DCBLD2: variants seen among roughly 807,000 people sequenced by gnomAD.
The protein encoded by DCBLD2 is discoidin, CUB and LCCL domain containing 2, also known as discoidin, CUB and LCCL domain-containing protein 2.
A neutral mutation model predicts 86.8 loss-of-function variants in DCBLD2; 54 were observed. The ratio of observed to expected loss-of-function variants is 0.62; its 90% confidence interval spans 0.50 to 0.78. DCBLD2 has a LOEUF of 0.78. DCBLD2 is among the 30% of genes least tolerant of loss of function. DCBLD2 has a pLI of 0.00. For missense variants in DCBLD2, 908 were observed against 954.2 expected (o/e 0.95, Z 0.64); for synonymous variants, 354 against 341.3 (o/e 1.04, Z -0.41).
intron 13 of DCBLD2, among the ~76,000 whole-genome samples, chr3:98,804,141 C>T (rs1484650788): frequency 6.6e-6 from 1 of 152,094 alleles, no homozygotes; most frequent in African/African-American, 2.4e-5. Context: ...CTCCTTGTAC[C>T]TCTGGTAGAA....
At chr3:98,851,467 G>C (rs1427025448) in intron 2 of DCBLD2, among the ~76,000 whole-genome samples, 1 of 152,168 alleles carries the variant, frequency 6.6e-6, no homozygotes, top group Non-Finnish European at 1.5e-5. Flanking sequence ...AACATTCCAT[G>C]CTCGTGGATA....
At position 98,797,191 on chromosome 3, in the gene DCBLD2, A is replaced by T. The variant is rs1032378154; in HGVS notation, c.*2181T>A. 7.0e-4 allele frequency: 107 copies of T among 152,138 alleles called. 2 individuals carry two copies. The highest frequency in any genetic ancestry group is 2.0e-4 in the Admixed American group (3 of 15,242). 9.4% of individuals were successfully genotyped at this position (152,138 alleles called of 1,614,324 possible). ...AGTAAAAACTAGATATTTTATAAAA[A>T]TTATTGGTAGTTCAAGGATAGCACA... On this transcript the variant is annotated 3_prime_UTR_variant, in exon 16 of 16. Transcript: ENST00000326840.
chr3:98,890,973 T>C (rs955663650), intron 1 of DCBLD2, among the ~76,000 whole-genome samples: 1 of 152,068 alleles, frequency 6.6e-6, no homozygotes. Context: ...ACGCATTCAA[T>C]GAACAACCTC....
At chr3:98,831,665 T>C (rs1176868935) in intron 3 of DCBLD2, among the ~76,000 whole-genome samples, 1 of 152,256 alleles carries the variant, frequency 6.6e-6, no homozygotes, top group African/African-American at 2.4e-5. Flanking sequence ...TGTTCTCATT[T>C]AGTTTCAAAG....
chr3:98,814,104 A>G (rs1184036445), intron 9 of DCBLD2: 1 of 152,220 alleles, frequency 6.6e-6, no homozygotes, highest in Non-Finnish European at 1.5e-5. Flanking sequence ...CTTCTCAATC[A>G]AGCTATTTCC....
chr3:98,865,957 G>C (rs1321999874), intron 2 of DCBLD2, among the ~76,000 whole-genome samples: 1 of 149,336 alleles, frequency 6.7e-6, no homozygotes, highest in Non-Finnish European at 1.5e-5. Flanking sequence ...AGAACATGCG[G>C]TGTTCGGTTT....
At chr3:98,857,410 T>C (rs1942953523) in intron 2 of DCBLD2, among the ~76,000 whole-genome samples, 2 of 151,978 alleles carry the variant, frequency 1.3e-5, no homozygotes, top group South Asian at 4.1e-4. Flanking sequence ...CCTGCTTTTA[T>C]TCTCTTATCT....
chr3:98,857,296 G>C (rs1942948370), intron 2 of DCBLD2, among the ~76,000 whole-genome samples: 1 of 152,226 alleles, frequency 6.6e-6, no homozygotes, highest in Non-Finnish European at 1.5e-5. Context: ...AGAGTGAGCA[G>C]TAGCAAGATT....
At position 98,897,204 on chromosome 3, in the gene DCBLD2, AAT is replaced by A. The variant is rs1309985689; in HGVS notation, c.205+3916_205+3917del. Among the ~76,000 whole-genome samples the A allele has an allele frequency of 1.2e-4, 18 of 152,260 alleles. 1 individual carries two copies. The highest frequency in any genetic ancestry group is 4.1e-4 in the African/African-American group (17 of 41,568). On this transcript the variant is annotated intron_variant, in intron 1 of 15. Coordinates refer to ENST00000326840, the MANE Select transcript of DCBLD2 (RefSeq NM_080927.4). ...ATTATCAACTATCCCCAGGGAAAAT[AAT>A]ATGTTCTTTTTGTTTCTAACACTGA... is the stretch of plus-strand genomic sequence containing the variant.
chr3:98,857,254 T>A (rs1228650412), intron 2 of DCBLD2, among the ~76,000 whole-genome samples: 2 of 152,028 alleles, frequency 1.3e-5, no homozygotes, highest in Non-Finnish European at 2.9e-5. Context: ...TTGCGGTGAG[T>A]GTTACAGCTC....
In DCBLD2 at chr3:98,866,480, A is replaced by C. The variant is rs1241598301; in HGVS notation, c.433+15060T>G. On this transcript the variant is annotated intron_variant, in intron 2 of 15. Coordinates refer to ENST00000326840, the MANE Select transcript of DCBLD2 (RefSeq NM_080927.4). ...GGCCAGTGATGATGAGCATTTTTTC[A>C]TGTGTCTTTTGGCTGCATAAATGTC... Among the ~76,000 whole-genome samples the C allele has an allele frequency of 2.6e-5, 4 of 152,096 alleles. No individual in the cohort carries two copies. The East Asian group carries it at 5.8e-4, about 22-fold the overall frequency.
intron 2 of DCBLD2, among the ~76,000 whole-genome samples, chr3:98,864,155 T>C (rs889920006): frequency 6.6e-6 from 1 of 152,220 alleles, no homozygotes; most frequent in African/African-American, 2.4e-5. Context: ...CACAATGAGA[T>C]ACCACCTCAC....
At chr3:98,858,447 G>A (rs533709863) in intron 2 of DCBLD2, among the ~76,000 whole-genome samples, 49 of 152,372 alleles carry the variant, frequency 3.2e-4, no homozygotes, top group Non-Finnish European at 5.9e-4. Flanking sequence ...TGCCGAGAGC[G>A]AGCGAGGCCT....
Position 98,800,638 on chromosome 3 carries a change from CT to C in DCBLD2, c.1798del (p.Ser600AlafsTer6). Reference sequence around the variant, plus strand: ...TCTTGGACTCAGGTGATTAACTTCGCTGCTGCTATAGCGAACTGGGGTTTCC... The same window carrying C: ...TCTTGGACTCAGGTGATTAACTTCGCGCTGCTATAGCGAACTGGGGTTTCC... ...HEETPVRYSSSEVNHLSPREV... is the reference protein window; with the variant it reads ...HEETPVRYSSXEVNHLSPREV... On this transcript the variant is annotated frameshift_variant, in exon 15 of 16. Coordinates refer to ENST00000326840, the MANE Select transcript of DCBLD2 (RefSeq NM_080927.4). LOFTEE classifies it high-confidence loss of function. 1.2e-6 allele frequency: 2 copies of C among 1,613,960 alleles called. No individual in the cohort carries two copies. The highest frequency in any genetic ancestry group is 1.7e-6 in the Non-Finnish European group (2 of 1,179,860).
intron 2 of DCBLD2, among the ~76,000 whole-genome samples, chr3:98,868,124 G>A (rs2470860): frequency 0.43 from 65,117 of 151,948 alleles, 14,118 homozygotes; most frequent in Non-Finnish European, 0.45. Flanking sequence ...TTGAATCCAA[G>A]ATTTAAATAC....
chr3:98,872,736 G>C (rs979507548), intron 2 of DCBLD2, among the ~76,000 whole-genome samples: 3 of 151,604 alleles, frequency 2.0e-5, no homozygotes, highest in Admixed American at 6.6e-5. Flanking sequence ...GCAGCACCTA[G>C]AACAAAACTA....
At chr3:98,882,520 C>G (rs1049373430) in intron 1 of DCBLD2, among the ~76,000 whole-genome samples, 15 of 152,022 alleles carry the variant, frequency 9.9e-5, no homozygotes, top group African/African-American at 3.4e-4. Flanking sequence ...TTGCTGTGCC[C>G]ATCAACCCAT....
chr3:98,878,283 C>CAT lies in DCBLD2; in HGVS notation c.433+3255_433+3256dup, dbSNP rs1191084322. On this transcript the variant is annotated intron_variant, in intron 2 of 15. Coordinates refer to ENST00000326840, the MANE Select transcript of DCBLD2 (RefSeq NM_080927.4). ...AATGGGACAAATCAATCTCATGTGC[C>CAT]ATGATATGATACACTGAGAACAGCG... Among the ~76,000 whole-genome samples the CAT allele has an allele frequency of 2.0e-5, 3 of 152,198 alleles. No individual in the cohort carries two copies. In the East Asian group the frequency reaches 5.8e-4, roughly 29 times the overall value.
In DCBLD2 at chr3:98,856,943, C is replaced by CTT. The variant is rs200993335; in HGVS notation, c.434-7346_434-7345insAA. ...TAAATGGCAAAGAAGATTCAACTGA[C>CTT]ATATAAGTGTGTCCAGAATTGGTGG... On this transcript the variant is annotated intron_variant, in intron 2 of 15. Transcript: ENST00000326840. Among the ~76,000 whole-genome samples, 947 of 152,278 alleles carry CTT rather than the reference C, an allele frequency of 6.2e-3. 8 individuals are homozygous for CTT. The highest frequency in any genetic ancestry group is 0.022 in the African/African-American group (900 of 41,550).
Sources: allele counts gnomAD v4.1 joint callset (sites outside exome capture counted in the v4.1 genomes callset), GRCh38; gene constraint gnomAD v4.1.1; transcripts MANE v1.5; gene names NCBI Gene and HGNC (gene_info 2026-07-23, HGNC 2026-07-21).